The following CRYBB1 variants were observed in gnomAD, a reference collection of about 807,000 sequenced individuals.
The protein encoded by CRYBB1 is crystallin beta B1.
CRYBB1 carries 16 observed loss-of-function variants against 29.5 expected under a neutral mutation model. The ratio of observed to expected loss-of-function variants is 0.54; its 90% CI spans 0.37 to 0.82. The LOEUF is 0.82. CRYBB1 is among the 40% of genes least tolerant of loss of function. The pLI is 0.00. For synonymous variants in CRYBB1, 127 were observed against 136.7 expected, an observed-to-expected ratio of 0.93 and a Z score of 0.49; for missense variants, 300 against 350.5, an observed-to-expected ratio of 0.86 and a Z score of 1.15.
In CRYBB1 at chr22:26,608,036, G is replaced by A. The variant is rs2145964419; in HGVS notation, c.300-15C>T. The A allele has an allele frequency of 6.2e-7, 1 of 1,614,114 alleles. No homozygotes were observed. The highest frequency in any genetic ancestry group is 1.3e-5 in the African/African-American group (1 of 75,062). ...AGGCGACCCAGCTGGATACAAGAAG[G>A]ACCATGAGGCAGACAGGAGACATAT... On this transcript the variant is annotated splice_polypyrimidine_tract_variant and intron_variant, in intron 3 of 5. Transcript: ENST00000647684.
intron 4 of CRYBB1, among the ~76,000 whole-genome samples, chr22:26,605,241 G>T (rs1928938946): frequency 6.6e-6 from 1 of 152,190 alleles, no homozygotes; most frequent in South Asian, 2.1e-4. Context: ...ACCTACCACA[G>T]TTTGCAATTG....
chr22:26,607,755 G>C, intron 4 of CRYBB1, 134 bp downstream of exon 4: 1 of 1,195,328 alleles, frequency 8.4e-7, no homozygotes, highest in Non-Finnish European at 1.2e-6. Flanking sequence ...AGAATCCACG[G>C]TCCTTTGACA....
intron 4 of CRYBB1, among the ~76,000 whole-genome samples, chr22:26,607,084 A>G (rs979227241): frequency 2.9e-5 from 4 of 136,600 alleles, no homozygotes; most frequent in African/African-American, 1.1e-4. Context: ...GTGCAATGGC[A>G]TGATCTCGGC....
At chr22:26,616,460 G>A in intron 1 of CRYBB1, 122 bp from the exon 2 acceptor site, 1 of 706,816 alleles carries the variant, frequency 1.4e-6, no homozygotes. Flanking sequence ...TTCTGAAACG[G>A]TTAAGCCTGG....
At chr22:26,613,986 G>A (rs925841215) in intron 2 of CRYBB1, among the ~76,000 whole-genome samples, 8 of 152,186 alleles carry the variant, frequency 5.3e-5, no homozygotes, top group Non-Finnish European at 8.8e-5. Context: ...GCAGAGATGA[G>A]ATAGACTCCA....
At chr22:26,603,140 A>G (rs998571889) in intron 4 of CRYBB1, among the ~76,000 whole-genome samples, 1 of 151,268 alleles carries the variant, frequency 6.6e-6, no homozygotes, top group African/African-American at 2.4e-5. Flanking sequence ...AAAAAAAAAA[A>G]AAAACAAAAA....
chr22:26,605,154 C>G (rs1223460833), intron 4 of CRYBB1, among the ~76,000 whole-genome samples: 1 of 152,228 alleles, frequency 6.6e-6, no homozygotes, highest in Non-Finnish European at 1.5e-5. Context: ...CCCCTGACCA[C>G]TCCCACCTCT....
intron 5 of CRYBB1, among the ~76,000 whole-genome samples, chr22:26,601,306 G>A (rs924530997): frequency 1.3e-5 from 2 of 152,122 alleles, no homozygotes; most frequent in Admixed American, 1.3e-4. Context: ...ATGGGGCTCC[G>A]TTTTGATAGC....
intron 4 of CRYBB1, among the ~76,000 whole-genome samples, chr22:26,607,058 C>T (rs1029098942): frequency 1.5e-4 from 22 of 145,700 alleles, no homozygotes; most frequent in African/African-American, 5.3e-4. Flanking sequence ...AGTCTGGCAC[C>T]GTCACCCCGG....
chr22:26,612,703 A>C (rs1467786595), intron 2 of CRYBB1, among the ~76,000 whole-genome samples: 2 of 152,182 alleles, frequency 1.3e-5, no homozygotes, highest in African/African-American at 4.8e-5. Flanking sequence ...GGAACTTATG[A>C]ACCTCCCTTT....
chr22:26,611,933 T>C (rs1020393236), intron 3 of CRYBB1, 139 bp downstream of exon 3: 1 of 730,860 alleles, frequency 1.4e-6, no homozygotes, highest in South Asian at 1.4e-5. Flanking sequence ...TTCAGTTTGA[T>C]ATGAGGATTG....
At chr22:26,608,428 A>T (rs566129339) in intron 3 of CRYBB1, among the ~76,000 whole-genome samples, 2 of 152,320 alleles carry the variant, frequency 1.3e-5, no homozygotes, top group South Asian at 2.1e-4. Context: ...GGCTCGTTTG[A>T]TGTTAATGTG....
chr22:26,610,381 C>T (rs552318847), intron 3 of CRYBB1, among the ~76,000 whole-genome samples: 16 of 152,268 alleles, frequency 1.1e-4, no homozygotes, highest in Admixed American at 8.5e-4. Context: ...CCACACAGAC[C>T]CAGGCCCCCG....
At position 26,599,421 on chromosome 22, in the gene CRYBB1, T is replaced by C; in HGVS notation, c.*69A>G. The C allele has an allele frequency of 6.6e-7, 1 of 1,517,014 alleles. No individual in the cohort carries two copies. The highest frequency in any genetic ancestry group is 9.0e-7 in the Non-Finnish European group (1 of 1,114,842). 94.0% of individuals were successfully genotyped at this position (1,517,014 alleles called of 1,614,324 possible). On this transcript the variant is annotated 3_prime_UTR_variant, in exon 6 of 6. Transcript: ENST00000647684. ...TTGGCTTTAGGGAATTTTATTTGCC[T>C]GGGAAAAATGGGGGAAATAATTGAA... is the stretch of plus-strand genomic sequence containing the variant.
chr22:26,611,665 G>A (rs1419790408), intron 3 of CRYBB1, among the ~76,000 whole-genome samples: 1 of 151,796 alleles, frequency 6.6e-6, no homozygotes, highest in African/African-American at 2.4e-5. Context: ...TAGTAGAGAC[G>A]GGGTTTCACC....
chr22:26,612,204 G>T lies in CRYBB1; in HGVS notation c.181-14C>A, dbSNP rs1569206958. On this transcript the variant is annotated splice_polypyrimidine_tract_variant and intron_variant, in intron 2 of 5. Transcript: ENST00000647684. ...GAAGACCACCAGCTGCAGGAGAGAA[G>T]CCCCCATGCCAAGGGCAGAGTGAGG... 1.3e-6 allele frequency: 2 copies of T among 1,582,752 alleles called. No homozygotes were observed. The highest frequency in any genetic ancestry group is 1.7e-6 in the Non-Finnish European group (2 of 1,151,622).
At chr22:26,611,914 T>G (rs1178638398) in intron 3 of CRYBB1, among the ~76,000 whole-genome samples, 158 bp downstream of exon 3, 1 of 152,102 alleles carries the variant, frequency 6.6e-6, no homozygotes, top group African/African-American at 2.4e-5. Context: ...TGAGAACAAT[T>G]CCTCCCTCTT....
At chr22:26,612,694 G>A (rs538401719) in intron 2 of CRYBB1, among the ~76,000 whole-genome samples, 1 of 152,330 alleles carries the variant, frequency 6.6e-6, no homozygotes, top group African/African-American at 2.4e-5. Context: ...CCATCATTAG[G>A]AACTTATGAA....
Position 26,616,163 on chromosome 22 carries a change from C to A in CRYBB1, c.157G>T (p.Glu53Ter), listed in dbSNP as rs1388444886. 1 of 1,614,192 alleles carries A rather than the reference C, an allele frequency of 6.2e-7. No individual in the cohort carries two copies. Among genetic ancestry groups the A allele is most frequent in the Admixed American group, 1.7e-5 (1 of 60,028 alleles). The change falls in exon 2 of 6, where the codon GAA (glutamate) becomes TAA (stop). Residue 53 changes from glutamate (E) to a stop codon, truncating the protein, a stop_gained. Transcript: ENST00000647684. LOFTEE classifies it high-confidence loss of function. ...ACCCTGTAGTTCCCAGGAGGCAGTT[C>A]CGCCGCCTTGGCGCTGGTAATAGGC... is the stretch of plus-strand genomic sequence containing the variant. ...TVPITSAKAA[E>*]LPPGNYRLVV...
Sources: gnomAD v4.1 joint callset for allele counts (sites outside exome capture counted in the v4.1 genomes callset) on GRCh38, gnomAD v4.1.1 for gene constraint, MANE v1.5 for transcripts, NCBI Gene and HGNC (gene_info 2026-07-23, HGNC 2026-07-21) for gene names.